The following PCDHA4 variants were observed in gnomAD, a reference collection of about 807,000 sequenced individuals.
PCDHA4 encodes protocadherin alpha 4.
In PCDHA4, 49 loss-of-function variants were observed where a neutral mutation model predicts 61.4. The observed-to-expected ratio is 0.80, with a 90% CI of 0.63 to 1.01. The LOEUF (loss-of-function observed/expected upper bound fraction) is 1.01, where lower values mean the gene tolerates loss of function less well. PCDHA4 is among the 50% of genes least tolerant of loss of function. The pLI is 0.00. For synonymous variants in PCDHA4, 590 were observed against 550.3 expected, an observed-to-expected ratio of 1.07 and a Z score of -1.01; for missense variants, 1,254 against 1,235.8, an observed-to-expected ratio of 1.01 and a Z score of -0.22.
Position 140,946,375 on chromosome 5 carries a change from G to A in PCDHA4, c.2386-32574G>A, listed in dbSNP as rs531638250. Among the ~76,000 whole-genome samples, 14 of 151,710 alleles carry A rather than the reference G, an allele frequency of 9.2e-5. No homozygotes were observed. In the South Asian group the frequency reaches 2.9e-3, roughly 32 times the overall value. On this transcript the variant is annotated intron_variant, in intron 1 of 3. Transcript: ENST00000530339. ...TGGAGAAAAGGGAACTCTTGCACACGGTTGGTAGGAATGTAAATTAGTACA... is the reference window on the plus strand; with the variant it reads ...TGGAGAAAAGGGAACTCTTGCACACAGTTGGTAGGAATGTAAATTAGTACA...
intron 1 of PCDHA4, among the ~76,000 whole-genome samples, chr5:140,910,738 C>G (rs2075147470): frequency 6.6e-6 from 1 of 152,098 alleles, no homozygotes; most frequent in Non-Finnish European, 1.5e-5. Context: ...GCTAACCAAG[C>G]ACATAAATTA....
At chr5:140,823,126 G>C (rs1554129157) in intron 1 of PCDHA4, 4 of 1,614,022 alleles carry the variant, frequency 2.5e-6, no homozygotes, top group Non-Finnish European at 3.4e-6. Context: ...GAACGACAAC[G>C]CTCCGGCGTT....
intron 1 of PCDHA4, chr5:140,841,201 C>A: frequency 7.7e-7 from 1 of 1,296,960 alleles, no homozygotes; most frequent in South Asian, 1.5e-5. Flanking sequence ...TCTCTGACAG[C>A]ATCTGTCTCT....
intron 1 of PCDHA4, among the ~76,000 whole-genome samples, chr5:140,873,598 G>A (rs888999019): frequency 1.3e-5 from 2 of 152,148 alleles, no homozygotes; most frequent in Non-Finnish European, 2.9e-5. Flanking sequence ...AAACTTAGAT[G>A]TTCCTATTGG....
intron 1 of PCDHA4, chr5:140,927,762 T>A (rs781993567): frequency 1.8e-5 from 29 of 1,613,934 alleles, no homozygotes; most frequent in Non-Finnish European, 2.4e-5. Context: ...ACCCTAAAAG[T>A]GGGGAGGTGC....
chr5:140,850,322 C>G lies in PCDHA4; in HGVS notation c.2385+40750C>G, dbSNP rs2150479524. 264 of 1,597,382 alleles carry G rather than the reference C, an allele frequency of 1.7e-4. 27 individuals are homozygous for G. The highest frequency in any genetic ancestry group is 2.2e-4 in the Non-Finnish European group (252 of 1,167,724). ...CGGGCTACAACGCGTGGCTTTCATA[C>G]GAGCTGCAGCCAGAAACGGCCAGCG... On this transcript the variant is annotated intron_variant, in intron 1 of 3. Coordinates refer to ENST00000530339, the MANE Select transcript of PCDHA4 (RefSeq NM_018907.4).
intron 1 of PCDHA4, among the ~76,000 whole-genome samples, chr5:140,945,351 A>C (rs1368185977): frequency 6.6e-6 from 1 of 152,138 alleles, no homozygotes; most frequent in Admixed American, 6.5e-5. Flanking sequence ...GGAAAAATTA[A>C]TACTGTTTAA....
intron 1 of PCDHA4, chr5:140,817,050 C>G (rs1227533910): frequency 6.6e-6 from 1 of 152,190 alleles, no homozygotes; most frequent in Non-Finnish European, 1.5e-5. Context: ...GAGTTTCTCT[C>G]TGTGTGCTGT....
Position 140,917,329 on chromosome 5 carries a change from G to GT in PCDHA4, c.2386-61620_2386-61619insT, listed in dbSNP as rs1563018868. On this transcript the variant is annotated intron_variant, in intron 1 of 3. Coordinates refer to ENST00000530339, the MANE Select transcript of PCDHA4 (RefSeq NM_018907.4). ...ACAATTTGGTGTTCATGTGGCGGGG[G>GT]AGGGGGGGGATGGTGTAGGCTTCTG... is the stretch of plus-strand genomic sequence containing the variant. 5.6e-5 allele frequency among the ~76,000 whole-genome samples: 8 copies of GT among 143,930 alleles called. 1 individual carries two copies. The highest frequency in any genetic ancestry group is 9.1e-5 in the Non-Finnish European group (6 of 65,842). The allele number at this position is 143,930 out of a possible 152,430, so 94.4% of individuals were successfully genotyped here.
chr5:140,822,523 T>A, intron 1 of PCDHA4: 1 of 1,613,888 alleles, frequency 6.2e-7, no homozygotes, highest in Non-Finnish European at 8.5e-7. Context: ...TAATGTCAGA[T>A]TGTTGGAAAA....
At chr5:140,867,055 T>C (rs1177939308) in intron 1 of PCDHA4, 3 of 152,170 alleles carry the variant, frequency 2.0e-5, no homozygotes, top group African/African-American at 7.2e-5. Flanking sequence ...TGTTCAGTAC[T>C]ACTTTATATA....
intron 1 of PCDHA4, chr5:140,927,199 G>A: frequency 4.3e-6 from 7 of 1,614,128 alleles, no homozygotes; most frequent in Non-Finnish European, 5.9e-6. Context: ...GGTGCTCGAG[G>A]ACCCGCTGGA....
At chr5:140,873,221 G>A (rs2054166323) in intron 1 of PCDHA4, among the ~76,000 whole-genome samples, 1 of 151,940 alleles carries the variant, frequency 6.6e-6, no homozygotes, top group African/African-American at 2.4e-5. Context: ...TTAAAGAGAA[G>A]GCAACAATAT....
intron 1 of PCDHA4, among the ~76,000 whole-genome samples, chr5:140,951,795 C>T (rs2094636851): frequency 6.6e-6 from 1 of 152,166 alleles, no homozygotes; most frequent in African/African-American, 2.4e-5. Context: ...ACAATTATCC[C>T]TTCCCAATGG....
intron 1 of PCDHA4, chr5:140,849,218 G>T: frequency 9.6e-7 from 1 of 1,040,734 alleles, no homozygotes; most frequent in South Asian, 1.6e-5. Context: ...ATGCCCCAGT[G>T]TTCGACAGAA....
chr5:140,823,502 T>A, intron 1 of PCDHA4: 23 of 1,613,260 alleles, frequency 1.4e-5, no homozygotes, highest in Non-Finnish European at 1.9e-5. Context: ...GGCGGCGCAG[T>A]GAGCGAGCTG....
intron 1 of PCDHA4, chr5:140,850,246 C>A: frequency 1.9e-6 from 3 of 1,593,138 alleles, no homozygotes; most frequent in Non-Finnish European, 2.6e-6. Flanking sequence ...GTGCTGCGGT[C>A]GGTGGGCGCC....
intron 1 of PCDHA4, chr5:140,836,574 G>T: frequency 6.2e-7 from 1 of 1,613,706 alleles, no homozygotes; most frequent in Non-Finnish European, 8.5e-7. Flanking sequence ...CTCTGAGGGC[G>T]CATGTAGTTT....
chr5:140,900,831 T>G (rs1554189475), intron 1 of PCDHA4, among the ~76,000 whole-genome samples: 1 of 152,198 alleles, frequency 6.6e-6, no homozygotes, highest in Non-Finnish European at 1.5e-5. Context: ...CCACCAACAA[T>G]GTACAAAGTT....
Sources: gnomAD v4.1 joint callset for allele counts (sites outside exome capture counted in the v4.1 genomes callset) on GRCh38, gnomAD v4.1.1 for gene constraint, MANE v1.5 for transcripts, NCBI Gene and HGNC (gene_info 2026-07-23, HGNC 2026-07-21) for gene names.